The following PTGER3 variants were observed in gnomAD, a reference collection of about 807,000 sequenced individuals.
PTGER3 encodes the protein prostaglandin E receptor 3.
In PTGER3, 22 loss-of-function variants were observed where a neutral mutation model predicts 34.7. That is an observed-to-expected ratio of 0.63 (90% CI 0.45 to 0.91). PTGER3 has a LOEUF of 0.91. Ranked by LOEUF, PTGER3 falls within the 40% of genes least tolerant of loss-of-function variation. The pLI is 0.00. For synonymous variants in PTGER3, 241 were observed against 230.1 expected, an observed-to-expected ratio of 1.05 and a Z score of -0.43; for missense variants, 468 against 519.4, an observed-to-expected ratio of 0.90 and a Z score of 0.96.
chr1:70,999,090 A>T (rs1280619340), intron 2 of PTGER3, among the ~76,000 whole-genome samples: 1 of 152,214 alleles, frequency 6.6e-6, no homozygotes, highest in Non-Finnish European at 1.5e-5. Context: ...ATTCATTCAA[A>T]TAAATGTCAA....
At position 70,865,636 on chromosome 1, in the gene PTGER3, C is replaced by A. The variant is rs1646024881; in HGVS notation, c.*24-12777G>T. On this transcript the variant is annotated intron_variant, in intron 4 of 4. Coordinates refer to the PTGER3 transcript ENST00000370931. ...TGGAGCATGTTTCATTAGAGATAGG[C>A]TGACTTCCTGGGTAAAAAGTCCTGT... 3 of 1,345,478 alleles carry A rather than the reference C, an allele frequency of 2.2e-6. No homozygotes were observed. The African/African-American group carries it at 4.5e-5, about 20-fold the overall frequency. 83.3% of individuals were successfully genotyped at this position (1,345,478 alleles called of 1,614,324 possible). A position where few individuals can be genotyped will look rare whatever the true frequency, so the allele number is the denominator to read the frequency against.
intron 1 of PTGER3, among the ~76,000 whole-genome samples, chr1:71,012,934 T>C (rs976975881): frequency 1.3e-5 from 2 of 152,126 alleles, no homozygotes; most frequent in Non-Finnish European, 2.9e-5. Flanking sequence ...AATATTATTA[T>C]TATTATTATT....
chr1:71,046,768 A>C lies in PTGER3; in HGVS notation c.810T>G (p.Ser270Arg). The C allele has an allele frequency of 6.2e-7, 1 of 1,613,932 alleles. No individual in the cohort carries two copies. The highest frequency in any genetic ancestry group is 1.1e-5 in the South Asian group (1 of 91,052). The part of the protein sequence containing the change: ...CRAKATASQS[S>R]AQWGRITTET... ...CGGTCGTGATGCGGCCCCACTGGGCACTGGACTGAGATGCCGTGGCCTTGG... is the reference window on the plus strand; with the variant it reads ...CGGTCGTGATGCGGCCCCACTGGGCCCTGGACTGAGATGCCGTGGCCTTGG... Residue 270 changes from serine to arginine, a missense_variant, in exon 1 of 4, where the codon AGT becomes AGG. This residue lies in a region of PTGER3 where 204 missense variants were observed against 230.8 expected (regional missense o/e 0.88). Coordinates refer to ENST00000306666, the MANE Select transcript of PTGER3 (RefSeq NM_198719.2).
intron 4 of PTGER3, among the ~76,000 whole-genome samples, chr1:70,929,939 C>T (rs188538986): frequency 1.3e-4 from 20 of 152,256 alleles, no homozygotes; most frequent in African/African-American, 4.6e-4. Context: ...AATATAAGAT[C>T]TCTTATCAGC....
chr1:71,005,530 C>A (rs1346799604), intron 2 of PTGER3, among the ~76,000 whole-genome samples: 1 of 152,152 alleles, frequency 6.6e-6, no homozygotes, highest in Non-Finnish European at 1.5e-5. Flanking sequence ...TTTCCTGTTC[C>A]CCTACCAGGT....
At chr1:70,945,669 T>C (rs1373829268) in intron 4 of PTGER3, among the ~76,000 whole-genome samples, 1 of 152,116 alleles carries the variant, frequency 6.6e-6, no homozygotes, top group Non-Finnish European at 1.5e-5. Flanking sequence ...AGCCATTCCT[T>C]CTTAACAGAG....
rs553396628 is a variant in PTGER3, at chr1:70,960,308, CATT to C, written c.1078-6522_1078-6520del. 1.3e-4 allele frequency among the ~76,000 whole-genome samples: 20 copies of C among 152,262 alleles called. No individual in the cohort carries two copies. In the East Asian group the frequency reaches 3.5e-3, roughly 26 times the overall value. ...TCACAGTTGTGCCAGAAAATTGTCT[CATT>C]AGCTGATTAGTGACTCCCTTATTAT... On this transcript the variant is annotated intron_variant, in intron 2 of 3. Coordinates refer to the PTGER3 transcript ENST00000356595.
At chr1:70,995,927 G>T (rs979632319) in intron 2 of PTGER3, among the ~76,000 whole-genome samples, 3 of 152,000 alleles carry the variant, frequency 2.0e-5, no homozygotes, top group Non-Finnish European at 4.4e-5. Flanking sequence ...TCATTTCCTT[G>T]CTATCTTGTG....
intron 2 of PTGER3, among the ~76,000 whole-genome samples, chr1:70,955,643 G>A (rs553117687): frequency 1.6e-4 from 24 of 152,224 alleles, no homozygotes; most frequent in Middle Eastern, 3.4e-3. Flanking sequence ...AGTACTTGGA[G>A]TTATCCATCC....
At chr1:70,969,491 A>G (rs578168492), downstream of PTGER3, among the ~76,000 whole-genome samples, 1 of 152,292 alleles carries the variant, frequency 6.6e-6, no homozygotes, top group South Asian at 2.1e-4. Context: ...TCCACCATGA[A>G]TTACAGTTTT....
At chr1:71,042,359 TG>T (rs1388584004) in intron 1 of PTGER3, among the ~76,000 whole-genome samples, 1 of 151,478 alleles carries the variant, frequency 6.6e-6, no homozygotes, top group African/African-American at 2.4e-5. Flanking sequence ...AAATCTCCTC[TG>T]GCAAATTCAG....
At chr1:71,027,111 T>C (rs1658994028) in intron 1 of PTGER3, among the ~76,000 whole-genome samples, 1 of 152,162 alleles carries the variant, frequency 6.6e-6, no homozygotes, top group African/African-American at 2.4e-5. Context: ...ACAACTATCA[T>C]AGGGAAAATG....
At chr1:71,023,989 T>C (rs1019450036) in intron 1 of PTGER3, among the ~76,000 whole-genome samples, 1 of 150,438 alleles carries the variant, frequency 6.6e-6, no homozygotes, top group African/African-American at 2.5e-5. Context: ...GCTTGTAAAA[T>C]GAAATTTTAA....
chr1:70,879,468 G>A lies in PTGER3; in HGVS notation c.*24-26609C>T, dbSNP rs1056996289. ...TCCCATGTTGGCCAGGCTGATGGTC[G>A]AACTCCCAAACTCTAATGATCATCC... On this transcript the variant is annotated intron_variant, in intron 4 of 4. Transcript: ENST00000370931. Among the ~76,000 whole-genome samples, 12 of 152,028 alleles carry A rather than the reference G, an allele frequency of 7.9e-5. No individual in the cohort carries two copies. The South Asian group carries it at 1.2e-3, about 16-fold the overall frequency.
intron 4 of PTGER3, among the ~76,000 whole-genome samples, chr1:70,881,706 A>G (rs1288977072): frequency 1.3e-5 from 2 of 152,050 alleles, no homozygotes; most frequent in Non-Finnish European, 2.9e-5. Context: ...AGACCCCTCC[A>G]ATTACTGTCT....
intron 2 of PTGER3, among the ~76,000 whole-genome samples, chr1:70,954,216 G>A (rs1358663864): frequency 6.6e-6 from 1 of 152,132 alleles, no homozygotes; most frequent in Non-Finnish European, 1.5e-5. Flanking sequence ...GGTGGAAAAG[G>A]GCAGTGGATA....
At chr1:70,911,828 A>T (rs1647068425) in intron 4 of PTGER3, among the ~76,000 whole-genome samples, 1 of 152,200 alleles carries the variant, frequency 6.6e-6, no homozygotes, top group South Asian at 2.1e-4. Flanking sequence ...GCCCCAGATG[A>T]TAAATGTTTA....
At chr1:70,934,777 GCTTTCTAAAACACTGTCCAGA>G (rs1016171717) in intron 4 of PTGER3, among the ~76,000 whole-genome samples, 1 of 152,116 alleles carries the variant, frequency 6.6e-6, no homozygotes, top group African/African-American at 2.4e-5. Context: ...TGAAAAGCAT[GCTTTCTAAAACACTGTCCAGA>G]TCACCTTCCC....
chr1:70,963,356 G>A (rs1312468315), intron 2 of PTGER3, among the ~76,000 whole-genome samples: 1 of 152,172 alleles, frequency 6.6e-6, no homozygotes, highest in Non-Finnish European at 1.5e-5. Context: ...TGTCTCAGTG[G>A]GGACTCTGCA....
Sources: allele counts gnomAD v4.1 joint callset (sites outside exome capture counted in the v4.1 genomes callset), GRCh38; gene constraint gnomAD v4.1.1; regional missense constraint gnomAD v4.1.1; transcripts MANE v1.5; gene names NCBI Gene and HGNC (gene_info 2026-07-23, HGNC 2026-07-21).